The following TCF7L2 variants were observed in gnomAD, a reference collection of about 807,000 sequenced individuals.
TCF7L2 encodes the protein transcription factor 7-like 2.
Under a neutral mutation model 77.9 loss-of-function variants are expected in TCF7L2, and 23 were observed. That is an observed-to-expected ratio of 0.30 (90% CI 0.21 to 0.42). The LOEUF is 0.42. Among genes scored for constraint, TCF7L2 ranks in the 10% least tolerant of loss-of-function variants. TCF7L2 has a pLI of 1.00. For missense variants in TCF7L2, 654 were observed against 793.1 expected, an observed-to-expected ratio of 0.82 and a Z score of 2.11; for synonymous variants, 413 against 340.2, an observed-to-expected ratio of 1.21 and a Z score of -2.36.
intron 5 of TCF7L2, among the ~76,000 whole-genome samples, chr10:113,068,050 C>G (rs1026731537): frequency 1.3e-5 from 2 of 152,110 alleles, no homozygotes; most frequent in African/African-American, 4.8e-5. Context: ...CTTTATGGAC[C>G]TCAGTTAGAC....
intron 4 of TCF7L2, among the ~76,000 whole-genome samples, chr10:112,982,610 G>T (rs2040684036): frequency 6.6e-6 from 1 of 152,082 alleles, no homozygotes; most frequent in South Asian, 2.1e-4. Context: ...GAGTAGTCCA[G>T]AATACCCTTT....
At chr10:113,062,858 C>A (rs1192092908) in intron 5 of TCF7L2, among the ~76,000 whole-genome samples, 1 of 151,986 alleles carries the variant, frequency 6.6e-6, no homozygotes, top group Non-Finnish European at 1.5e-5. Flanking sequence ...CCTTTACTAC[C>A]AAAGACTGAA....
intron 5 of TCF7L2, among the ~76,000 whole-genome samples, chr10:113,059,350 C>T (rs114701127): frequency 6.1e-4 from 92 of 151,004 alleles, no homozygotes; most frequent in African/African-American, 2.1e-3. Flanking sequence ...TCCCACCCCC[C>T]ACCCTTTTTG....
intron 5 of TCF7L2, among the ~76,000 whole-genome samples, chr10:113,061,006 G>GT (rs911080402): frequency 1.3e-5 from 2 of 152,130 alleles, no homozygotes; most frequent in African/African-American, 4.8e-5. Context: ...AAGCTCCTTG[G>GT]TTATCTCACA....
At chr10:113,149,859 T>A (rs1234237124) in intron 8 of TCF7L2, among the ~76,000 whole-genome samples, 1 of 152,226 alleles carries the variant, frequency 6.6e-6, no homozygotes, top group African/African-American at 2.4e-5. Flanking sequence ...GGCTGCCATA[T>A]TGTTTACTTT....
intron 4 of TCF7L2, among the ~76,000 whole-genome samples, chr10:113,027,718 C>G (rs2049443104): frequency 6.6e-6 from 1 of 152,240 alleles, no homozygotes; most frequent in South Asian, 2.1e-4. Flanking sequence ...TTTCTACAGC[C>G]TGCAACCCTA....
At chr10:113,062,554 T>TC (rs1344828326) in intron 5 of TCF7L2, among the ~76,000 whole-genome samples, 4 of 152,134 alleles carry the variant, frequency 2.6e-5, no homozygotes, top group Non-Finnish European at 5.9e-5. Context: ...TTTTTTTTTT[T>TC]CTTACTGTCT....
At chr10:113,074,026 C>T (rs1272863214) in intron 5 of TCF7L2, among the ~76,000 whole-genome samples, 1 of 152,184 alleles carries the variant, frequency 6.6e-6, no homozygotes, top group Non-Finnish European at 1.5e-5. Context: ...GTGTCGGCCG[C>T]TGGTGAGCTG....
At chr10:113,054,558 CT>C (rs933914343) in intron 5 of TCF7L2, among the ~76,000 whole-genome samples, 1 of 152,026 alleles carries the variant, frequency 6.6e-6, no homozygotes, top group Non-Finnish European at 1.5e-5. Flanking sequence ...TGCTTTCTAG[CT>C]TTTTTTAAAA....
At position 113,165,657 on chromosome 10, in the gene TCF7L2, C is replaced by A. The variant is rs746725245; in HGVS notation, c.1494C>A (p.Asn498Lys). 8.1e-6 allele frequency: 13 copies of A among 1,610,942 alleles called. No homozygotes were observed. The highest frequency in any genetic ancestry group is 6.7e-5 in the African/African-American group (5 of 74,674). The change falls in exon 14 of 14, where the codon AAC becomes AAA. Residue 498 changes from asparagine to lysine, a missense_variant. This residue lies in a region of TCF7L2 where 272 missense variants were observed against 215.4 expected (regional missense o/e 1.26). Transcript: ENST00000627217. Reference sequence around the variant, plus strand: ...TAGATTCGCCTCCCCCCTCCCCGAACCTGCTAGGCTCCCCTCCCCGAGACG... The same window carrying A: ...TAGATTCGCCTCCCCCCTCCCCGAAACTGCTAGGCTCCCCTCCCCGAGACG...
intron 4 of TCF7L2, among the ~76,000 whole-genome samples, chr10:112,982,982 T>A (rs899724543): frequency 6.6e-6 from 1 of 152,068 alleles, no homozygotes; most frequent in Non-Finnish European, 1.5e-5. Flanking sequence ...ATATCATTTG[T>A]CTCCCCATGG....
Position 113,151,652 on chromosome 10 carries a change from T to TAC in TCF7L2, c.1002-72_1002-71dup. Reference sequence around the variant, plus strand: ...GCTTGGGGGTTATGAGACAAGGAGATACGTTCCCTGCCATGGAGGAAGTTG... The same window carrying TAC: ...GCTTGGGGGTTATGAGACAAGGAGATACACGTTCCCTGCCATGGAGGAAGTTG... On this transcript the variant is annotated intron_variant, in intron 9 of 13. Coordinates refer to ENST00000627217, the MANE Select transcript of TCF7L2 (RefSeq NM_001146274.2). The surrounding 1 kb of genome is among the most constrained non-coding windows in gnomAD (Gnocchi z 5.2). The TAC allele has an allele frequency of 6.6e-7, 1 of 1,511,350 alleles. No individual in the cohort carries two copies. Among genetic ancestry groups the TAC allele is most frequent in the Non-Finnish European group, 8.8e-7 (1 of 1,135,908 alleles). 93.6% of individuals were successfully genotyped at this position (1,511,350 alleles called of 1,614,324 possible).
intron 5 of TCF7L2, among the ~76,000 whole-genome samples, chr10:113,070,265 A>ATTT (rs1190167328): frequency 3.2e-3 from 252 of 78,584 alleles, no homozygotes; most frequent in East Asian, 7.1e-3. Flanking sequence ...AAAAAAAAAA[A>ATTT]AATTTATATA....
At chr10:113,145,092 C>T (rs766028112) in intron 7 of TCF7L2, among the ~76,000 whole-genome samples, 1 of 149,884 alleles carries the variant, frequency 6.7e-6, no homozygotes, top group Non-Finnish European at 1.5e-5. Flanking sequence ...CCGTATTTCT[C>T]TAGTTAGATA....
chr10:113,158,150 G>C, intron 12 of TCF7L2, 81 bp downstream of exon 12: 1 of 1,477,726 alleles, frequency 6.8e-7, no homozygotes. Context: ...TCTGGGGGAG[G>C]CAGGAGAAAT....
At chr10:113,013,629 T>C (rs2046831817) in intron 4 of TCF7L2, among the ~76,000 whole-genome samples, 1 of 152,136 alleles carries the variant, frequency 6.6e-6, no homozygotes, top group African/African-American at 2.4e-5. Context: ...AGATTTGGGG[T>C]CAGCAGAAAG....
chr10:113,038,427 C>A (rs980768796), intron 4 of TCF7L2, among the ~76,000 whole-genome samples: 1 of 152,114 alleles, frequency 6.6e-6, no homozygotes, highest in Admixed American at 6.5e-5. Flanking sequence ...ATGGGAAAAT[C>A]GACTGTGTAC....
chr10:113,014,450 T>G (rs1163830692), intron 4 of TCF7L2, among the ~76,000 whole-genome samples: 1 of 152,298 alleles, frequency 6.6e-6, no homozygotes, highest in East Asian at 1.9e-4. Flanking sequence ...ATTGGTTGAT[T>G]ATGTCAATGT....
At chr10:112,990,363 C>G (rs1235834890) in intron 4 of TCF7L2, among the ~76,000 whole-genome samples, 1 of 152,128 alleles carries the variant, frequency 6.6e-6, no homozygotes, top group Non-Finnish European at 1.5e-5. Flanking sequence ...ACATCCCCGT[C>G]CCGTAAGTTT....
Sources: gnomAD v4.1 joint callset for allele counts (sites outside exome capture counted in the v4.1 genomes callset) on GRCh38, gnomAD v4.1.1 for gene constraint, gnomAD v4.1.1 regional missense constraint, Gnocchi (gnomAD v3.1) non-coding constraint, MANE v1.5 for transcripts, NCBI Gene and HGNC (gene_info 2026-07-23, HGNC 2026-07-21) for gene names.